The following RNGTT variants were observed in gnomAD, a reference collection of about 807,000 sequenced individuals.
RNGTT encodes the protein RNA guanylyltransferase and 5'-phosphatase.
RNGTT carries 33 observed loss-of-function variants against 79.3 expected under a neutral mutation model. That is an observed-to-expected ratio of 0.42 (90% confidence interval 0.32 to 0.56). RNGTT has a LOEUF of 0.56. Ranked by LOEUF, RNGTT falls within the 20% of genes least tolerant of loss-of-function variation. RNGTT has a pLI of 0.17. For synonymous variants in RNGTT, 222 were observed against 235.9 expected (o/e 0.94, Z 0.54); for missense variants, 497 against 739.1 (o/e 0.67, Z 3.80).
intron 13 of RNGTT, among the ~76,000 whole-genome samples, chr6:88,697,893 T>C (rs113811123): frequency 1.6e-3 from 130 of 81,964 alleles, no homozygotes; most frequent in African/African-American, 0.01. Flanking sequence ...ATATATGATA[T>C]ATATATATGA....
At chr6:88,631,083 G>A (rs894361813) in intron 14 of RNGTT, among the ~76,000 whole-genome samples, 5 of 152,198 alleles carry the variant, frequency 3.3e-5, no homozygotes, top group African/African-American at 1.2e-4. Flanking sequence ...ATGTATTCAT[G>A]TGTCAACAGA....
chr6:88,760,719 G>T (rs747553955), intron 13 of RNGTT, among the ~76,000 whole-genome samples: 3 of 152,038 alleles, frequency 2.0e-5, no homozygotes, highest in Non-Finnish European at 2.9e-5. Flanking sequence ...GTAGAAAACA[G>T]AAAAATGCTG....
chr6:88,794,048 A>G (rs997764976), intron 12 of RNGTT, among the ~76,000 whole-genome samples: 2 of 152,214 alleles, frequency 1.3e-5, no homozygotes, highest in Non-Finnish European at 2.9e-5. Flanking sequence ...ATTTGCACTG[A>G]TCATCATATG....
At chr6:88,886,254 A>G (rs1782855454) in intron 8 of RNGTT, among the ~76,000 whole-genome samples, 1 of 152,172 alleles carries the variant, frequency 6.6e-6, no homozygotes, top group Non-Finnish European at 1.5e-5. Context: ...TGCAGTAAGC[A>G]GAGATCGCGC....
At chr6:88,726,042 A>T (rs895221818) in intron 13 of RNGTT, among the ~76,000 whole-genome samples, 4 of 152,122 alleles carry the variant, frequency 2.6e-5, no homozygotes. Context: ...AGTCAAAGAG[A>T]GATAGAGAGA....
At chr6:88,957,649 A>G (rs906253798) in intron 1 of RNGTT, among the ~76,000 whole-genome samples, 4 of 152,204 alleles carry the variant, frequency 2.6e-5, no homozygotes, top group African/African-American at 9.7e-5. Flanking sequence ...ATAACAATAG[A>G]ATACTTAGGA....
chr6:88,674,567 T>A (rs1294381206), intron 14 of RNGTT, among the ~76,000 whole-genome samples: 1 of 151,796 alleles, frequency 6.6e-6, no homozygotes, highest in Non-Finnish European at 1.5e-5. Context: ...GATGTTGATA[T>A]GATGACTGAA....
chr6:88,708,332 T>C (rs771379406), intron 13 of RNGTT, among the ~76,000 whole-genome samples: 33 of 152,216 alleles, frequency 2.2e-4, no homozygotes, highest in Middle Eastern at 3.4e-3. Context: ...TCCCCGGGGT[T>C]GCCTAGTTAG....
At chr6:88,682,093 T>G (rs1775114309) in intron 13 of RNGTT, among the ~76,000 whole-genome samples, 1 of 152,126 alleles carries the variant, frequency 6.6e-6, no homozygotes, top group Admixed American at 6.5e-5. Context: ...GAATAAACAT[T>G]TAAAAGAACT....
At chr6:88,928,021 A>G (rs1305136534) in intron 4 of RNGTT, among the ~76,000 whole-genome samples, 1 of 151,918 alleles carries the variant, frequency 6.6e-6, no homozygotes, top group East Asian at 1.9e-4. Context: ...CCTGGGCAAC[A>G]TAGTGAGACC....
chr6:88,675,832 T>A (rs987677232), intron 14 of RNGTT, among the ~76,000 whole-genome samples: 2 of 152,136 alleles, frequency 1.3e-5, no homozygotes, highest in African/African-American at 4.8e-5. Flanking sequence ...TATAATAGCA[T>A]AAAAAATACA....
intron 13 of RNGTT, among the ~76,000 whole-genome samples, chr6:88,711,436 A>T (rs533273600): frequency 1.3e-5 from 2 of 152,298 alleles, no homozygotes; most frequent in African/African-American, 4.8e-5. Context: ...TTAGTTCCAT[A>T]TTAATAAAAG....
intron 14 of RNGTT, among the ~76,000 whole-genome samples, chr6:88,674,475 G>A (rs1368441704): frequency 6.6e-6 from 1 of 152,092 alleles, no homozygotes; most frequent in Non-Finnish European, 1.5e-5. Flanking sequence ...AGAGGCCAAC[G>A]CTGCAGTAAG....
chr6:88,689,759 T>C (rs1380302234), intron 13 of RNGTT, among the ~76,000 whole-genome samples: 1 of 151,586 alleles, frequency 6.6e-6, no homozygotes, highest in African/African-American at 2.4e-5. Flanking sequence ...ACCACAGTAA[T>C]AATTGTTGCA....
At chr6:88,693,923 C>A (rs531916926) in intron 13 of RNGTT, among the ~76,000 whole-genome samples, 3 of 152,174 alleles carry the variant, frequency 2.0e-5, no homozygotes, top group African/African-American at 7.2e-5. Flanking sequence ...AGAAAAAATT[C>A]TCAAATAGGT....
chr6:88,946,686 G>A (rs1034695217), intron 1 of RNGTT, among the ~76,000 whole-genome samples: 11 of 149,732 alleles, frequency 7.3e-5, no homozygotes, highest in Middle Eastern at 3.2e-3. Context: ...CTCTCCCCAC[G>A]GTCTCCCTCT....
chr6:88,960,113 A>G lies in RNGTT; in HGVS notation c.64+3233T>C, dbSNP rs79774740. Among the ~76,000 whole-genome samples the G allele has an allele frequency of 3.7e-3, 569 of 152,302 alleles. 5 individuals carry two copies. The highest frequency in any genetic ancestry group is 0.013 in the African/African-American group (553 of 41,562). On this transcript the variant is annotated intron_variant, in intron 1 of 15. Coordinates refer to ENST00000369485, the MANE Select transcript of RNGTT (RefSeq NM_003800.5). ...CCTCTGATTCCCATCATATACCACA[A>G]TAGAGTCATTGCTACATTTTTTACA...
At chr6:88,647,390 A>C (rs1048349277) in intron 14 of RNGTT, among the ~76,000 whole-genome samples, 3 of 152,172 alleles carry the variant, frequency 2.0e-5, no homozygotes, top group Admixed American at 6.5e-5. Context: ...CAATGGGGAA[A>C]AGGGTGCAAT....
chr6:88,803,508 C>T (rs9351186), intron 11 of RNGTT, among the ~76,000 whole-genome samples: 28,922 of 140,330 alleles, frequency 0.21, 3,484 homozygotes, highest in African/African-American at 0.35. Context: ...ACCCAGGAGG[C>T]GGAGGTTGCA....
Sources: gnomAD v4.1 joint callset for allele counts (sites outside exome capture counted in the v4.1 genomes callset) on GRCh38, gnomAD v4.1.1 for gene constraint, MANE v1.5 for transcripts, NCBI Gene and HGNC (gene_info 2026-07-23, HGNC 2026-07-21) for gene names.